Variants in TTC28 observed in about 807,000 individuals in gnomAD.
TTC28 encodes the protein tetratricopeptide repeat domain 28, also known as tetratricopeptide repeat protein 28.
Under a neutral mutation model 198.0 loss-of-function variants are expected in TTC28, and 61 were observed. The observed-to-expected ratio is 0.31, with a 90% CI of 0.25 to 0.38. The LOEUF (loss-of-function observed/expected upper bound fraction) is 0.38. Ranked by LOEUF, TTC28 falls within the 10% of genes least tolerant of loss-of-function variation. The pLI is 1.00. For synonymous variants in TTC28, 1,171 were observed against 1,297.8 expected, an observed-to-expected ratio of 0.90 and a Z score of 2.10; for missense variants, 2,678 against 3,164.0, an observed-to-expected ratio of 0.85 and a Z score of 3.69.
At chr22:28,061,976 A>T (rs1219968007) in intron 12 of TTC28, among the ~76,000 whole-genome samples, 1 of 152,092 alleles carries the variant, frequency 6.6e-6, no homozygotes, top group Non-Finnish European at 1.5e-5. Context: ...TTCTCTTTGA[A>T]GCAATTGTGA....
intron 1 of TTC28, among the ~76,000 whole-genome samples, chr22:28,656,918 CA>C (rs566804756): frequency 2.8e-4 from 42 of 149,080 alleles, no homozygotes; most frequent in African/African-American, 5.9e-4. Context: ...TAAAAAAATA[CA>C]AAAAAAAACA....
At chr22:28,066,093 G>C (rs1940734880) in intron 12 of TTC28, among the ~76,000 whole-genome samples, 1 of 152,056 alleles carries the variant, frequency 6.6e-6, no homozygotes, top group Non-Finnish European at 1.5e-5. Context: ...CTGTTGGCCA[G>C]GGTTTTTTAT....
At chr22:28,065,915 A>G (rs1428900367) in intron 12 of TTC28, among the ~76,000 whole-genome samples, 2 of 152,204 alleles carry the variant, frequency 1.3e-5, no homozygotes, top group Non-Finnish European at 2.9e-5. Flanking sequence ...ACAATCAAAG[A>G]CATTACTAGG....
At chr22:28,394,239 T>A (rs1350697558) in intron 2 of TTC28, among the ~76,000 whole-genome samples, 1 of 152,222 alleles carries the variant, frequency 6.6e-6, no homozygotes, top group East Asian at 1.9e-4. Flanking sequence ...TATTTTTTAA[T>A]AATCCATTAT....
At chr22:28,405,178 A>G (rs1179734550) in intron 2 of TTC28, among the ~76,000 whole-genome samples, 1 of 152,182 alleles carries the variant, frequency 6.6e-6, no homozygotes, top group Non-Finnish European at 1.5e-5. Context: ...GTTTTTTTAA[A>G]TGATTTTGAC....
At chr22:28,660,470 C>A (rs986592382) in intron 1 of TTC28, among the ~76,000 whole-genome samples, 6 of 152,156 alleles carry the variant, frequency 3.9e-5, no homozygotes, top group African/African-American at 1.4e-4. Flanking sequence ...GGACTGCAGG[C>A]ACACACCACC....
chr22:28,650,462 C>T (rs937087729), intron 1 of TTC28, among the ~76,000 whole-genome samples: 5 of 152,096 alleles, frequency 3.3e-5, no homozygotes, highest in South Asian at 2.1e-4. Context: ...GTAATCTTTT[C>T]GAGTCTTTCA....
intron 2 of TTC28, among the ~76,000 whole-genome samples, chr22:28,397,498 G>A (rs1226996062): frequency 6.6e-6 from 1 of 152,222 alleles, no homozygotes; most frequent in Non-Finnish European, 1.5e-5. Context: ...AGCACAGGCA[G>A]AGAGTGAACA....
At chr22:28,414,831 T>C (rs1020579974) in intron 2 of TTC28, among the ~76,000 whole-genome samples, 8 of 152,214 alleles carry the variant, frequency 5.3e-5, no homozygotes, top group Admixed American at 4.6e-4. Flanking sequence ...CAATTTTGCA[T>C]GGAAACTTCA....
At chr22:28,548,540 G>A (rs1374129607) in intron 2 of TTC28, among the ~76,000 whole-genome samples, 1 of 152,126 alleles carries the variant, frequency 6.6e-6, no homozygotes, top group Admixed American at 6.6e-5. Context: ...CAGCTTTACT[G>A]ACATTAACAG....
At chr22:28,237,022 T>C (rs113215345) in intron 5 of TTC28, among the ~76,000 whole-genome samples, 8 of 152,292 alleles carry the variant, frequency 5.3e-5, no homozygotes, top group African/African-American at 1.7e-4. Context: ...TGGAACTCCA[T>C]TTCTCCTTTG....
intron 5 of TTC28, among the ~76,000 whole-genome samples, chr22:28,260,495 T>C (rs1214393987): frequency 1.3e-5 from 2 of 152,146 alleles, no homozygotes; most frequent in African/African-American, 4.8e-5. Flanking sequence ...ACAGTTATTA[T>C]TATAGTACTA....
intron 2 of TTC28, among the ~76,000 whole-genome samples, chr22:28,591,040 C>CACACACATAT (rs1362164401): frequency 6.5e-5 from 2 of 30,756 alleles, no homozygotes; most frequent in African/African-American, 3.2e-4. Flanking sequence ...CACACACACA[C>CACACACATAT]ATATATATAT....
chr22:28,060,879 CTGT>C (rs1353544170), intron 12 of TTC28, among the ~76,000 whole-genome samples: 1 of 152,314 alleles, frequency 6.6e-6, no homozygotes, highest in East Asian at 1.9e-4. Flanking sequence ...TCTCCAGCAC[CTGT>C]TGTTTCCTGA....
At chr22:27,989,576 A>T (rs1393109532) in intron 21 of TTC28, among the ~76,000 whole-genome samples, 2 of 152,088 alleles carry the variant, frequency 1.3e-5, no homozygotes. Context: ...CCTCCTGAGT[A>T]ACTGAGACTA....
intron 2 of TTC28, among the ~76,000 whole-genome samples, chr22:28,568,999 TAGAC>T (rs577557359): frequency 4.0e-4 from 60 of 151,634 alleles, no homozygotes; most frequent in Middle Eastern, 6.8e-3. Context: ...ATACAAAAAT[TAGAC>T]AGGCATGGTG....
At chr22:28,199,998 T>C (rs1285224290) in intron 5 of TTC28, among the ~76,000 whole-genome samples, 1 of 152,158 alleles carries the variant, frequency 6.6e-6, no homozygotes, top group Non-Finnish European at 1.5e-5. Flanking sequence ...GCCATGAAAC[T>C]ATAGGTGACA....
rs570189850 is a variant in TTC28, at chr22:28,431,024, C to T, written c.382-124381G>A. On this transcript the variant is annotated intron_variant, in intron 2 of 22. Coordinates refer to ENST00000397906, the MANE Select transcript of TTC28 (RefSeq NM_001145418.2). ...AATACTACTCTACCGTGAAGACTCTCTTGGTCCACTCATTCCTACCCCCAA... is the reference window on the plus strand; with the variant it reads ...AATACTACTCTACCGTGAAGACTCTTTTGGTCCACTCATTCCTACCCCCAA... Among the ~76,000 whole-genome samples, 3 of 152,220 alleles carry T rather than the reference C, an allele frequency of 2.0e-5. No individual in the cohort carries two copies. In the South Asian group the frequency reaches 6.2e-4, roughly 32 times the overall value.
chr22:28,622,415 T>C (rs1378127737), intron 2 of TTC28, among the ~76,000 whole-genome samples: 1 of 152,002 alleles, frequency 6.6e-6, no homozygotes. Context: ...GAAACAGAGT[T>C]TGCAGTTCTA....
Sources: gnomAD v4.1 joint callset for allele counts (sites outside exome capture counted in the v4.1 genomes callset) on GRCh38, gnomAD v4.1.1 for gene constraint, MANE v1.5 for transcripts, NCBI Gene and HGNC (gene_info 2026-07-23, HGNC 2026-07-21) for gene names.